The following PLB1 variants were observed in gnomAD, a reference collection of about 807,000 sequenced individuals.
PLB1 encodes phospholipase B1.
Under a neutral mutation model 227.4 loss-of-function variants are expected in PLB1, and 242 were observed. The ratio of observed to expected loss-of-function variants is 1.06; its 90% confidence interval spans 0.96 to 1.18. The LOEUF (loss-of-function observed/expected upper bound fraction) is 1.18, where lower values mean the gene tolerates loss of function less well. Among genes scored for constraint, PLB1 ranks in the 50% most tolerant of loss-of-function variants. The probability of loss-of-function intolerance (pLI) is 0.00; values close to 1 mark genes in which losing one functional copy is unlikely to be tolerated. For synonymous variants in PLB1, 757 were observed against 682.2 expected, an observed-to-expected ratio of 1.11 and a Z score of -1.71; for missense variants, 1,858 against 1,816.3, an observed-to-expected ratio of 1.02 and a Z score of -0.42.
At chr2:28,524,186 G>T (rs1204054945) in intron 4 of PLB1, among the ~76,000 whole-genome samples, 1 of 152,194 alleles carries the variant, frequency 6.6e-6, no homozygotes, top group Admixed American at 6.5e-5. Flanking sequence ...AGGTGACGCG[G>T]TGTAGCTGTC....
At chr2:28,548,678 ACAGACTGCT>A in intron 14 of PLB1, 173 bp from the exon 15 acceptor site, 1 of 659,488 alleles carries the variant, frequency 1.5e-6, no homozygotes, top group Non-Finnish European at 2.8e-6. Flanking sequence ...TGCTTACAAC[ACAGACTGCT>A]GCCCCAGCCC....
At position 28,620,995 on chromosome 2, in the gene PLB1, C is replaced by T. The variant is rs1485730904; in HGVS notation, c.3527+17C>T. On this transcript the variant is annotated intron_variant, in intron 49 of 57. Transcript: ENST00000327757. ...CAGAGCTAGGTGAGTAGATGCCGTA[C>T]AGGAGGGCGAGTGGAAGGCAAGACT... 4 of 1,590,346 alleles carry T rather than the reference C, an allele frequency of 2.5e-6. No homozygotes were observed. In the Admixed American group the frequency reaches 6.9e-5, roughly 27 times the overall value.
At chr2:28,500,274 G>A (rs1373512868) in intron 1 of PLB1, among the ~76,000 whole-genome samples, 1 of 152,168 alleles carries the variant, frequency 6.6e-6, no homozygotes, top group Non-Finnish European at 1.5e-5. Flanking sequence ...TCTTCAGCTG[G>A]TTTTTGTGTA....
At chr2:28,518,270 T>C (rs907602405) in intron 2 of PLB1, among the ~76,000 whole-genome samples, 196 bp from the exon 3 acceptor site, 2 of 152,228 alleles carry the variant, frequency 1.3e-5, no homozygotes, top group African/African-American at 4.8e-5. Context: ...TTAAAGTCAT[T>C]GTCAATAGAC....
intron 31 of PLB1, among the ~76,000 whole-genome samples, chr2:28,592,126 A>G (rs1682067354): frequency 6.6e-6 from 1 of 152,240 alleles, no homozygotes; most frequent in East Asian, 1.9e-4. Flanking sequence ...CGCCTACAGT[A>G]GGGCCTGGAA....
intron 56 of PLB1, among the ~76,000 whole-genome samples, chr2:28,639,874 C>G (rs1689780361): frequency 6.6e-6 from 1 of 152,160 alleles, no homozygotes. Context: ...GGTGTCAGGA[C>G]AGGATGTCAT....
chr2:28,501,876 A>G (rs1667144031), intron 1 of PLB1, among the ~76,000 whole-genome samples: 1 of 152,094 alleles, frequency 6.6e-6, no homozygotes, highest in Non-Finnish European at 1.5e-5. Flanking sequence ...CATGGCCATT[A>G]GGTTGTTTCC....
chr2:28,565,378 CA>C, intron 19 of PLB1, 25 bp downstream of exon 19: 1 of 1,588,018 alleles, frequency 6.3e-7, no homozygotes, highest in Admixed American at 1.8e-5. Context: ...GGCAAGGCCC[CA>C]AAGGCCCCTT....
intron 26 of PLB1, 45 bp downstream of exon 26, chr2:28,585,887 A>G (rs748890466): frequency 1.3e-6 from 2 of 1,482,652 alleles, no homozygotes; most frequent in Non-Finnish European, 9.4e-7. Context: ...CTGCTGTGTG[A>G]TTCGATTGCT....
intron 16 of PLB1, among the ~76,000 whole-genome samples, chr2:28,550,618 G>A (rs532845798): frequency 1.4e-4 from 21 of 148,900 alleles, no homozygotes; most frequent in Admixed American, 1.3e-3. Flanking sequence ...TCAGCTCACT[G>A]TAACCTTAGC....
At chr2:28,605,368 A>G (rs961264791) in intron 41 of PLB1, among the ~76,000 whole-genome samples, 4 of 152,242 alleles carry the variant, frequency 2.6e-5, no homozygotes, top group South Asian at 2.1e-4. Flanking sequence ...GAGCAGCTCT[A>G]TGCACCCCCA....
At chr2:28,511,729 CTG>C (rs1216695276) in intron 1 of PLB1, among the ~76,000 whole-genome samples, 1 of 151,116 alleles carries the variant, frequency 6.6e-6, no homozygotes, top group Non-Finnish European at 1.5e-5. Context: ...CTTGTTGAAT[CTG>C]TGGTTTGATA....
chr2:28,578,998 CCT>C (rs1447586533), intron 22 of PLB1, among the ~76,000 whole-genome samples: 1 of 152,062 alleles, frequency 6.6e-6, no homozygotes, highest in African/African-American at 2.4e-5. Flanking sequence ...ATGGCTGCAC[CCT>C]CTCCACACAG....
intron 43 of PLB1, among the ~76,000 whole-genome samples, chr2:28,609,049 G>A (rs1391644804): frequency 2.0e-5 from 3 of 152,034 alleles, no homozygotes; most frequent in Non-Finnish European, 4.4e-5. Context: ...CTGAGTAGTT[G>A]GGACTGCAGG....
intron 1 of PLB1, among the ~76,000 whole-genome samples, chr2:28,510,778 TTGTGTGTG>T (rs55672002): frequency 2.8e-5 from 4 of 141,596 alleles, no homozygotes; most frequent in African/African-American, 5.4e-5. Flanking sequence ...ACTCAGATAA[TTGTGTGTG>T]TGTGTGTGTG....
At chr2:28,583,797 G>T (rs1020358269) in intron 25 of PLB1, among the ~76,000 whole-genome samples, 2 of 151,706 alleles carry the variant, frequency 1.3e-5, no homozygotes, top group African/African-American at 4.8e-5. Context: ...CTCATTCTCT[G>T]TGTGGTAAAG....
chr2:28,601,187 C>G, intron 36 of PLB1, 65 bp from the exon 37 acceptor site: 1 of 1,364,104 alleles, frequency 7.3e-7, no homozygotes, highest in African/African-American at 1.4e-5. Flanking sequence ...GAATGGATTT[C>G]CTAGGGCAGG....
intron 21 of PLB1, among the ~76,000 whole-genome samples, chr2:28,573,922 C>T (rs977116093): frequency 1.3e-5 from 2 of 152,210 alleles, no homozygotes; most frequent in Admixed American, 1.3e-4. Context: ...GTGGTCCTGG[C>T]AGTAATGCAG....
At chr2:28,519,989 C>T (rs542951771) in intron 4 of PLB1, among the ~76,000 whole-genome samples, 5 of 151,992 alleles carry the variant, frequency 3.3e-5, no homozygotes, top group South Asian at 2.1e-4. Flanking sequence ...AGTGTAATGG[C>T]GCAACCTTGG....
Sources: gnomAD v4.1 joint callset for allele counts (sites outside exome capture counted in the v4.1 genomes callset) on GRCh38, gnomAD v4.1.1 for gene constraint, MANE v1.5 for transcripts, NCBI Gene and HGNC (gene_info 2026-07-23, HGNC 2026-07-21) for gene names.